The following ZNF365 variants were observed in gnomAD, a reference collection of about 807,000 sequenced individuals.
ZNF365 encodes zinc finger protein 365.
A neutral mutation model predicts 35.0 loss-of-function variants in ZNF365; 22 were observed. That is an observed-to-expected ratio of 0.63 (90% CI 0.45 to 0.90). The LOEUF is 0.90. Among genes scored for constraint, ZNF365 ranks in the 40% least tolerant of loss-of-function variants. ZNF365 has a pLI of 0.00. For synonymous variants in ZNF365, 188 were observed against 196.2 expected, an observed-to-expected ratio of 0.96 and a Z score of 0.35; for missense variants, 448 against 500.3, an observed-to-expected ratio of 0.90 and a Z score of 1.00.
intron 4 of ZNF365, among the ~76,000 whole-genome samples, chr10:62,476,693 T>G (rs1283475242): frequency 6.6e-6 from 1 of 152,230 alleles, no homozygotes; most frequent in African/African-American, 2.4e-5. Context: ...ATAAGTCAAA[T>G]GGTTAAGGAA....
At chr10:62,469,960 T>C (rs1245907712) in intron 4 of ZNF365, among the ~76,000 whole-genome samples, 1 of 152,210 alleles carries the variant, frequency 6.6e-6, no homozygotes, top group East Asian at 1.9e-4. Context: ...CATTAAATAT[T>C]CTTCTATTGT....
intron 3 of ZNF365, among the ~76,000 whole-genome samples, chr10:62,397,134 G>T (rs541660929): frequency 1.3e-5 from 2 of 152,156 alleles, no homozygotes; most frequent in African/African-American, 4.8e-5. Context: ...ATGTGATAAC[G>T]GTGCCTTTTT....
chr10:62,412,685 A>G (rs937136048), intron 3 of ZNF365, among the ~76,000 whole-genome samples: 2 of 152,164 alleles, frequency 1.3e-5, no homozygotes, highest in Non-Finnish European at 2.9e-5. Flanking sequence ...CACAATTGCT[A>G]CAACAAGAAT....
chr10:62,437,648 A>G (rs552770177), intron 3 of ZNF365, among the ~76,000 whole-genome samples: 1 of 152,306 alleles, frequency 6.6e-6, no homozygotes, highest in African/African-American at 2.4e-5. Context: ...TTTTCCTTCT[A>G]AATTCACACA....
Position 62,400,419 on chromosome 10 carries a change from G to C in ZNF365, c.*630G>C. ...TCTTTCAGTTCGTTTGTTTGATTGA[G>C]GTTTTTTGGTGGCCTAGATGCATGT... On this transcript the variant is annotated 3_prime_UTR_variant, in exon 5 of 5. Transcript: ENST00000395254. 1 of 986,132 alleles carries C rather than the reference G, an allele frequency of 1.0e-6. No individual in the cohort carries two copies. Among genetic ancestry groups the C allele is most frequent in the Non-Finnish European group, 1.2e-6 (1 of 830,044 alleles). 61.1% of individuals were successfully genotyped at this position (986,132 alleles called of 1,614,324 possible).
chr10:62,384,123 AAAT>A (rs1839486196), intron 2 of ZNF365, among the ~76,000 whole-genome samples: 1 of 122,768 alleles, frequency 8.1e-6, no homozygotes, highest in African/African-American at 2.9e-5. Flanking sequence ...TTTTTTTTTT[AAAT>A]AAAGAAGAAG....
intron 3 of ZNF365, among the ~76,000 whole-genome samples, chr10:62,423,577 T>A (rs1840207138): frequency 6.6e-6 from 1 of 152,194 alleles, no homozygotes; most frequent in Admixed American, 6.5e-5. Flanking sequence ...TGACATGTGC[T>A]CATCTTGGCT....
intron 3 of ZNF365, among the ~76,000 whole-genome samples, chr10:62,429,001 G>A (rs1396429826): frequency 6.6e-6 from 1 of 152,200 alleles, no homozygotes; most frequent in Non-Finnish European, 1.5e-5. Context: ...GAGGCACGCA[G>A]TAGGCACTCG....
chr10:62,394,329 A>G (rs1839685859), intron 3 of ZNF365, among the ~76,000 whole-genome samples: 1 of 152,188 alleles, frequency 6.6e-6, no homozygotes, highest in South Asian at 2.1e-4. Flanking sequence ...GTAAAATTAT[A>G]TTCATTTGTT....
chr10:62,438,882 C>G (rs1335030954), intron 3 of ZNF365, among the ~76,000 whole-genome samples: 1 of 152,166 alleles, frequency 6.6e-6, no homozygotes, highest in African/African-American at 2.4e-5. Context: ...AGGCATCAAG[C>G]AGAAAGAATT....
intron 3 of ZNF365, among the ~76,000 whole-genome samples, chr10:62,440,336 TTAC>T: frequency 6.6e-6 from 1 of 151,376 alleles, no homozygotes; most frequent in Middle Eastern, 3.4e-3. Flanking sequence ...TTTCTACATA[TTAC>T]TTTATCACCC....
intron 2 of ZNF365, among the ~76,000 whole-genome samples, chr10:62,384,340 A>G (rs762139220): frequency 6.6e-6 from 1 of 152,146 alleles, no homozygotes; most frequent in Non-Finnish European, 1.5e-5. Context: ...ATAGCATCAT[A>G]TTATTCTTCT....
In ZNF365 at chr10:62,467,427, A is replaced by C. The variant is rs74788288; in HGVS notation, c.981+7630A>C. ...AGAAAGTTGTTGGAGGTCTTTATCAAATTCAGATCAAAGACTTCTGGGAAT... is the reference window on the plus strand; with the variant it reads ...AGAAAGTTGTTGGAGGTCTTTATCACATTCAGATCAAAGACTTCTGGGAAT... On this transcript the variant is annotated intron_variant, in intron 4 of 4. Transcript: ENST00000395255. 9.6e-3 allele frequency among the ~76,000 whole-genome samples: 1,462 copies of C among 152,366 alleles called. 12 individuals are homozygous for C. The highest frequency in any genetic ancestry group is 0.016 in the Non-Finnish European group (1,115 of 68,034).
intron 3 of ZNF365, among the ~76,000 whole-genome samples, chr10:62,420,520 T>C (rs1840149952): frequency 6.6e-6 from 1 of 152,214 alleles, no homozygotes; most frequent in African/African-American, 2.4e-5. Context: ...ACATATTTTT[T>C]CACATTGTAA....
chr10:62,417,520 A>G lies in ZNF365; in HGVS notation c.924+28944A>G, dbSNP rs772015007. 3.3e-5 allele frequency among the ~76,000 whole-genome samples: 5 copies of G among 152,088 alleles called. No individual in the cohort carries two copies. In the South Asian group the frequency reaches 6.2e-4, roughly 19 times the overall value. ...AAGAAATGAAAATCAGCTCATCTAA[A>G]TAAAACCACTGGGACACTTGCTAAT... On this transcript the variant is annotated intron_variant, in intron 3 of 4. Transcript: ENST00000395255.
intron 3 of ZNF365, among the ~76,000 whole-genome samples, chr10:62,428,686 G>A (rs571893701): frequency 6.6e-6 from 1 of 152,292 alleles, no homozygotes; most frequent in East Asian, 1.9e-4. Context: ...AGGCATCTAA[G>A]GCTGGAGGGG....
At chr10:62,467,468 G>A (rs1840962692) in intron 4 of ZNF365, among the ~76,000 whole-genome samples, 2 of 152,238 alleles carry the variant, frequency 1.3e-5, no homozygotes, top group Admixed American at 1.3e-4. Flanking sequence ...AGTATCTTGA[G>A]AGAAACAATC....
In ZNF365 at chr10:62,470,265, A is replaced by G. The variant is rs145113716; in HGVS notation, c.982-9611A>G. The stretch of plus-strand genomic sequence containing the variant: ...CACCACCATGGGCAACTGAGGCCCC[A>G]TTCCATTATCACCCCTGGGAGTCTG... On this transcript the variant is annotated intron_variant, in intron 4 of 4. Coordinates refer to the ZNF365 transcript ENST00000395255. 3.2e-3 allele frequency among the ~76,000 whole-genome samples: 486 copies of G among 152,330 alleles called. 2 individuals are homozygous for G. Among genetic ancestry groups the G allele is most frequent in the African/African-American group, 4.8e-3 (198 of 41,574 alleles).
intron 3 of ZNF365, 102 bp downstream of exon 3, chr10:62,388,678 T>C (rs1332976531): frequency 7.3e-7 from 1 of 1,361,384 alleles, no homozygotes; most frequent in Non-Finnish European, 9.9e-7. Flanking sequence ...AGGGACTCTC[T>C]AGACATCATT....
Sources: gnomAD v4.1 joint callset for allele counts (sites outside exome capture counted in the v4.1 genomes callset) on GRCh38, gnomAD v4.1.1 for gene constraint, MANE v1.5 for transcripts, NCBI Gene and HGNC (gene_info 2026-07-23, HGNC 2026-07-21) for gene names.